IMMP2L: variants seen among roughly 807,000 people sequenced by gnomAD.
The protein encoded by IMMP2L is mitochondrial inner membrane protease subunit 2.
A neutral mutation model predicts 19.3 loss-of-function variants in IMMP2L; 18 were observed. The ratio of observed to expected loss-of-function variants is 0.93; its 90% CI spans 0.64 to 1.38. The LOEUF is 1.38. Among genes scored for constraint, IMMP2L ranks in the 40% most tolerant of loss-of-function variants. The pLI is 0.00. For missense variants in IMMP2L, 233 were observed against 218.2 expected, an observed-to-expected ratio of 1.07 and a Z score of -0.43; for synonymous variants, 76 against 73.0, an observed-to-expected ratio of 1.04 and a Z score of -0.21.
chr7:111,327,386 T>C (rs1000100029), intron 3 of IMMP2L, among the ~76,000 whole-genome samples: 18 of 151,746 alleles, frequency 1.2e-4, no homozygotes, highest in African/African-American at 4.4e-4. Context: ...GATCATTATA[T>C]ATAAAAAGTG....
rs147413740 is a variant in IMMP2L at position 110,824,364 on chromosome 7, T to C, written c.408+62229A>G. Among the ~76,000 whole-genome samples the C allele has an allele frequency of 1.1e-4, 17 of 152,270 alleles. No homozygotes were observed. The East Asian group carries it at 3.3e-3, about 29-fold the overall frequency. On this transcript the variant is annotated intron_variant, in intron 5 of 5. Coordinates refer to ENST00000405709, the MANE Select transcript of IMMP2L (RefSeq NM_032549.4). ...ATAGGATAGACTAAAAATAATTTTC[T>C]GCAGCTATTTTAATACTTAACGTAT...
chr7:111,291,495 C>T (rs1821101417), intron 3 of IMMP2L, among the ~76,000 whole-genome samples: 1 of 152,126 alleles, frequency 6.6e-6, no homozygotes, highest in South Asian at 2.1e-4. Flanking sequence ...AAAATGTTTA[C>T]CTTTAACCTG....
intron 3 of IMMP2L, among the ~76,000 whole-genome samples, chr7:111,023,701 C>G (rs1218739605): frequency 6.6e-6 from 1 of 152,062 alleles, no homozygotes; most frequent in Non-Finnish European, 1.5e-5. Flanking sequence ...GAGCAAAACT[C>G]CATCTTAAAA....
intron 3 of IMMP2L, among the ~76,000 whole-genome samples, chr7:111,286,675 T>C (rs941361985): frequency 3.3e-5 from 5 of 151,896 alleles, no homozygotes; most frequent in African/African-American, 9.7e-5. Context: ...TAAGGGCATA[T>C]TGAACTTAGA....
intron 2 of IMMP2L, among the ~76,000 whole-genome samples, chr7:111,514,450 A>T (rs1204072380): frequency 6.6e-6 from 1 of 152,094 alleles, no homozygotes; most frequent in African/African-American, 2.4e-5. Flanking sequence ...GCACACCAAC[A>T]TGGCACATGT....
At chr7:110,979,710 A>T (rs1406662919) in intron 3 of IMMP2L, among the ~76,000 whole-genome samples, 3 of 151,916 alleles carry the variant, frequency 2.0e-5, no homozygotes, top group Non-Finnish European at 4.4e-5. Context: ...AAACAAAACC[A>T]AAAAAACCTC....
intron 3 of IMMP2L, among the ~76,000 whole-genome samples, chr7:111,088,254 T>C (rs1393916591): frequency 6.6e-6 from 1 of 152,228 alleles, no homozygotes; most frequent in Non-Finnish European, 1.5e-5. Context: ...CAAAACTCTT[T>C]CAGTATAATT....
chr7:111,335,536 T>C (rs796577139), intron 3 of IMMP2L, among the ~76,000 whole-genome samples: 2 of 152,162 alleles, frequency 1.3e-5, no homozygotes, highest in African/African-American at 4.8e-5. Context: ...CATGAAGATA[T>C]CTCCAAGATC....
chr7:111,176,688 G>A (rs1434698658), intron 3 of IMMP2L, among the ~76,000 whole-genome samples: 5 of 151,738 alleles, frequency 3.3e-5, no homozygotes, highest in Non-Finnish European at 7.4e-5. Flanking sequence ...TTAATAGAAT[G>A]AATAAAATCT....
At chr7:110,787,729 TA>T (rs1051624368) in intron 5 of IMMP2L, among the ~76,000 whole-genome samples, 16 of 152,056 alleles carry the variant, frequency 1.1e-4, no homozygotes, top group African/African-American at 3.9e-4. Flanking sequence ...GAATACGCTT[TA>T]TATGTCAGGT....
chr7:111,382,979 G>T (rs962740645), intron 3 of IMMP2L, among the ~76,000 whole-genome samples: 2 of 152,036 alleles, frequency 1.3e-5, no homozygotes, highest in African/African-American at 4.8e-5. Flanking sequence ...CATCCAGGTA[G>T]GGGAGAGTCA....
intron 3 of IMMP2L, among the ~76,000 whole-genome samples, chr7:111,172,108 T>C (rs1806511808): frequency 6.6e-6 from 1 of 151,516 alleles, no homozygotes; most frequent in South Asian, 2.1e-4. Flanking sequence ...TAGTCAAGAC[T>C]ACATTGTGAA....
chr7:111,230,528 T>C (rs895775486), intron 3 of IMMP2L, among the ~76,000 whole-genome samples: 5 of 152,106 alleles, frequency 3.3e-5, no homozygotes, highest in Non-Finnish European at 7.4e-5. Context: ...TCAAATCCCA[T>C]AGTTTATCCT....
chr7:111,096,999 A>G (rs1334476207), intron 3 of IMMP2L: 1 of 151,910 alleles, frequency 6.6e-6, no homozygotes, highest in Admixed American at 6.6e-5. Flanking sequence ...AATCTTCTAA[A>G]GTTTGTCATT....
At chr7:111,410,262 A>T (rs1661359767) in intron 3 of IMMP2L, among the ~76,000 whole-genome samples, 1 of 151,760 alleles carries the variant, frequency 6.6e-6, no homozygotes, top group Admixed American at 6.6e-5. Flanking sequence ...TAGTGAGTCT[A>T]AACTAGCTCT....
intron 5 of IMMP2L, among the ~76,000 whole-genome samples, chr7:110,828,074 C>T (rs1389190515): frequency 6.6e-6 from 1 of 152,086 alleles, no homozygotes; most frequent in Non-Finnish European, 1.5e-5. Flanking sequence ...TTTTAGTCAT[C>T]TCTCCTCTAA....
intron 3 of IMMP2L, among the ~76,000 whole-genome samples, chr7:111,156,244 T>TA (rs1804633039): frequency 1.3e-5 from 2 of 152,110 alleles, no homozygotes; most frequent in African/African-American, 4.8e-5. Context: ...TCATAGGAGA[T>TA]GCTTAAGTTC....
At chr7:110,931,207 T>C (rs1815446626) in intron 4 of IMMP2L, among the ~76,000 whole-genome samples, 1 of 152,150 alleles carries the variant, frequency 6.6e-6, no homozygotes, top group Non-Finnish European at 1.5e-5. Context: ...CAAATATTTC[T>C]ATGAGAACAA....
In IMMP2L at chr7:110,728,588, C is replaced by T. The variant is rs140314322; in HGVS notation, c.409-64867G>A. On this transcript the variant is annotated intron_variant, in intron 5 of 5. Transcript: ENST00000405709. This position sits in a 1 kb window ranked among gnomAD's most constrained non-coding sequence, Gnocchi z 4.6. ...CAAAGAATAATCAGGGCAGAAGGCT[C>T]ACCATTATCACATTTTATCTAATCA... Among the ~76,000 whole-genome samples the T allele has an allele frequency of 0.011, 1,662 of 152,266 alleles. 26 individuals carry two copies. The highest frequency in any genetic ancestry group is 0.048 in the South Asian group (230 of 4,818).
Sources: gnomAD v4.1 joint callset for allele counts (sites outside exome capture counted in the v4.1 genomes callset) on GRCh38, gnomAD v4.1.1 for gene constraint, Gnocchi (gnomAD v3.1) non-coding constraint, MANE v1.5 for transcripts, NCBI Gene and HGNC (gene_info 2026-07-23, HGNC 2026-07-21) for gene names.